Variants in BCKDHB observed in about 807,000 individuals in gnomAD.
BCKDHB encodes branched chain keto acid dehydrogenase E1 subunit beta, also known as 2-oxoisovalerate dehydrogenase subunit beta, mitochondrial.
BCKDHB carries 41 observed loss-of-function variants against 48.5 expected under a neutral mutation model. The ratio of observed to expected loss-of-function variants is 0.85; its 90% CI spans 0.66 to 1.10. BCKDHB has a LOEUF of 1.10. Ranked by LOEUF, BCKDHB falls within the 50% of genes least tolerant of loss-of-function variation. The pLI is 0.00. For missense variants in BCKDHB, 496 were observed against 494.2 expected (o/e 1.00, Z -0.03); for synonymous variants, 201 against 174.8 (o/e 1.15, Z -1.18).
the BCKDHB span, among the ~76,000 whole-genome samples, chr6:80,394,404 A>G: frequency 6.6e-6 from 1 of 151,688 alleles, no homozygotes; most frequent in East Asian, 1.9e-4. Flanking sequence ...TTTGGATGCA[A>G]TATTTATCTC....
chr6:80,373,632 G>A, the BCKDHB span, among the ~76,000 whole-genome samples: 1 of 152,096 alleles, frequency 6.6e-6, no homozygotes, highest in Non-Finnish European at 1.5e-5. Context: ...TTGCATTGCT[G>A]TCTATCTCAT....
intron 3 of BCKDHB, among the ~76,000 whole-genome samples, chr6:80,133,648 TTC>T (rs1770740560): frequency 6.6e-6 from 1 of 151,886 alleles, no homozygotes; most frequent in African/African-American, 2.4e-5. Context: ...CTTTCTTTCT[TTC>T]TTTTTTTTTT....
intron 8 of BCKDHB, among the ~76,000 whole-genome samples, chr6:80,263,334 A>G (rs1777380762): frequency 6.6e-6 from 1 of 152,164 alleles, no homozygotes; most frequent in African/African-American, 2.4e-5. Flanking sequence ...TCCTGAATCC[A>G]TTTGTCACAT....
chr6:80,250,658 A>G (rs1776800429), intron 8 of BCKDHB, among the ~76,000 whole-genome samples: 1 of 152,152 alleles, frequency 6.6e-6, no homozygotes, highest in Non-Finnish European at 1.5e-5. Context: ...TTTATCACTG[A>G]ATGCAGAATT....
At chr6:80,179,773 C>G (rs138734744) in intron 6 of BCKDHB, among the ~76,000 whole-genome samples, 3 of 152,292 alleles carry the variant, frequency 2.0e-5, no homozygotes, top group African/African-American at 7.2e-5. Flanking sequence ...ATGTCACAGT[C>G]TGGTCTGGTT....
chr6:80,182,471 A>C (rs913864961), intron 6 of BCKDHB, among the ~76,000 whole-genome samples: 1 of 152,196 alleles, frequency 6.6e-6, no homozygotes, highest in Non-Finnish European at 1.5e-5. Flanking sequence ...GACTAAGCTT[A>C]AGCTATGTGG....
chr6:80,363,781 T>G, the BCKDHB span, among the ~76,000 whole-genome samples: 1 of 152,204 alleles, frequency 6.6e-6, no homozygotes, highest in Admixed American at 6.5e-5. Flanking sequence ...AAAATAGACT[T>G]AACTCACTAA....
At chr6:80,393,705 G>T in the BCKDHB span, among the ~76,000 whole-genome samples, 3 of 152,270 alleles carry the variant, frequency 2.0e-5, no homozygotes, top group Non-Finnish European at 4.4e-5. Flanking sequence ...TTCCTTATTG[G>T]ACCTGCAGCA....
At chr6:80,325,156 TATA>T (rs1272797466) in intron 9 of BCKDHB, among the ~76,000 whole-genome samples, 8 of 152,200 alleles carry the variant, frequency 5.3e-5, no homozygotes, top group East Asian at 1.9e-4. Context: ...TAGAATATAA[TATA>T]ATAAACATCA....
chr6:80,167,860 G>A (rs187604700), intron 4 of BCKDHB, 49 bp downstream of exon 4: 131 of 1,579,818 alleles, frequency 8.3e-5, no homozygotes, highest in Non-Finnish European at 3.0e-5. Context: ...AAATATTCAA[G>A]TATTGCCGCT....
chr6:80,451,213 CATT>C, the BCKDHB span, among the ~76,000 whole-genome samples: 2 of 152,224 alleles, frequency 1.3e-5, no homozygotes, highest in South Asian at 2.1e-4. Flanking sequence ...ATTTTGGTCT[CATT>C]ATATTTGGCC....
chr6:80,368,428 T>C, the BCKDHB span, among the ~76,000 whole-genome samples: 3 of 152,242 alleles, frequency 2.0e-5, no homozygotes, highest in Non-Finnish European at 2.9e-5. Context: ...CAGAGATAGT[T>C]GTTCTGGTTG....
chr6:80,220,885 C>T (rs1025160888), intron 8 of BCKDHB, among the ~76,000 whole-genome samples: 4 of 151,864 alleles, frequency 2.6e-5, no homozygotes, highest in South Asian at 2.1e-4. Flanking sequence ...CAGGTGCCCA[C>T]GACCATGCCT....
the BCKDHB span, among the ~76,000 whole-genome samples, chr6:80,382,959 T>TATA: frequency 6.6e-6 from 1 of 152,308 alleles, no homozygotes; most frequent in East Asian, 1.9e-4. Context: ...ACTGTGAATA[T>TATA]ATATAACCAC....
the BCKDHB span, among the ~76,000 whole-genome samples, chr6:80,406,337 A>G: frequency 6.6e-6 from 1 of 152,196 alleles, no homozygotes; most frequent in South Asian, 2.1e-4. Flanking sequence ...TTGGGTATAT[A>G]CCCAGTAATG....
the BCKDHB span, among the ~76,000 whole-genome samples, chr6:80,415,929 G>A: frequency 2.0e-5 from 3 of 151,534 alleles, no homozygotes; most frequent in Admixed American, 6.6e-5. Context: ...TAGTATAATT[G>A]TTATTGACTC....
chr6:80,433,606 G>T, the BCKDHB span, among the ~76,000 whole-genome samples: 1 of 152,162 alleles, frequency 6.6e-6, no homozygotes. Flanking sequence ...GCTCTGTGGG[G>T]GTGGGACCCA....
chr6:80,233,126 G>T (rs1313632361), intron 8 of BCKDHB, among the ~76,000 whole-genome samples: 1 of 152,016 alleles, frequency 6.6e-6, no homozygotes, highest in Non-Finnish European at 1.5e-5. Flanking sequence ...AGGTATGAAA[G>T]ACTTTTTTGG....
At chr6:80,280,050 T>C (rs1778133885) in intron 9 of BCKDHB, among the ~76,000 whole-genome samples, 1 of 152,132 alleles carries the variant, frequency 6.6e-6, no homozygotes, top group Admixed American at 6.5e-5. Flanking sequence ...ATTAAAGTGG[T>C]TTTGTGTGTT....
Sources: gnomAD v4.1 joint callset for allele counts (sites outside exome capture counted in the v4.1 genomes callset) on GRCh38, gnomAD v4.1.1 for gene constraint, MANE v1.5 for transcripts, NCBI Gene and HGNC (gene_info 2026-07-23, HGNC 2026-07-21) for gene names.